Variants in L2HGDH observed in about 807,000 individuals in gnomAD.
The protein encoded by L2HGDH is L-2-hydroxyglutarate dehydrogenase, mitochondrial.
Under a neutral mutation model 51.5 loss-of-function variants are expected in L2HGDH, and 34 were observed. The ratio of observed to expected loss-of-function variants is 0.66; its 90% confidence interval spans 0.50 to 0.88. The LOEUF (loss-of-function observed/expected upper bound fraction) is 0.88, where lower values mean the gene tolerates loss of function less well. Among genes scored for constraint, L2HGDH ranks in the 40% least tolerant of loss-of-function variants. The pLI is 0.00. For missense variants in L2HGDH, 558 were observed against 571.9 expected (o/e 0.98, Z 0.25); for synonymous variants, 198 against 197.9 (o/e 1.00, Z -0.01).
intron 6 of L2HGDH, among the ~76,000 whole-genome samples, chr14:50,275,613 C>T (rs1740468443): frequency 6.6e-6 from 1 of 152,166 alleles, no homozygotes; most frequent in Non-Finnish European, 1.5e-5. Flanking sequence ...CCATTTTCCC[C>T]ATCACCCTGA....
At position 50,246,953 on chromosome 14, in the gene L2HGDH, C is replaced by T. The variant is rs971385803; in HGVS notation, c.*105G>A. On this transcript the variant is annotated 3_prime_UTR_variant, in exon 10 of 10. Coordinates refer to ENST00000267436, the MANE Select transcript of L2HGDH (RefSeq NM_024884.3). ...TAACAATGCAGTGGTTATCTTTGACCTAAAAACTAAAGTTTAAAAACCATT... is the reference window on the plus strand; with the variant it reads ...TAACAATGCAGTGGTTATCTTTGACTTAAAAACTAAAGTTTAAAAACCATT... 16 of 1,437,548 alleles carry T rather than the reference C, an allele frequency of 1.1e-5. No individual in the cohort carries two copies. The highest frequency in any genetic ancestry group is 9.4e-7 in the Non-Finnish European group (1 of 1,069,290). The allele number at this position is 1,437,548 out of a possible 1,614,324, so 89.0% of individuals were successfully genotyped here.
At chr14:50,255,699 C>T (rs1255647643) in intron 9 of L2HGDH, among the ~76,000 whole-genome samples, 1 of 151,958 alleles carries the variant, frequency 6.6e-6, no homozygotes, top group East Asian at 1.9e-4. Flanking sequence ...AAACTTTAAG[C>T]TTTAAGTTAA....
chr14:50,279,400 G>A (rs1283511278), intron 5 of L2HGDH, among the ~76,000 whole-genome samples: 1 of 152,116 alleles, frequency 6.6e-6, no homozygotes, highest in East Asian at 1.9e-4. Context: ...ATGAGGTGGG[G>A]GGAGTTCCAA....
intron 9 of L2HGDH, among the ~76,000 whole-genome samples, chr14:50,260,671 T>C (rs1566507727): frequency 6.6e-6 from 1 of 152,174 alleles, no homozygotes; most frequent in Non-Finnish European, 1.5e-5. Flanking sequence ...CAGACTCTTA[T>C]TACTATTTTG....
chr14:50,257,144 A>T (rs1888713035), intron 9 of L2HGDH, among the ~76,000 whole-genome samples: 1 of 152,028 alleles, frequency 6.6e-6, no homozygotes, highest in Admixed American at 6.6e-5. Context: ...GGCTAGGCTG[A>T]TCTTAAACTC....
At chr14:50,250,497 A>G (rs916864399) in intron 9 of L2HGDH, among the ~76,000 whole-genome samples, 1 of 152,170 alleles carries the variant, frequency 6.6e-6, no homozygotes. Context: ...GTAAACTACT[A>G]AAGTATTTGA....
At chr14:50,288,763 A>C (rs923829087) in intron 4 of L2HGDH, among the ~76,000 whole-genome samples, 1 of 152,128 alleles carries the variant, frequency 6.6e-6, no homozygotes, top group Non-Finnish European at 1.5e-5. Flanking sequence ...GTAACTTTGA[A>C]ACAACCAATC....
chr14:50,303,784 A>C (rs1368686204), intron 1 of L2HGDH, among the ~76,000 whole-genome samples: 6 of 144,872 alleles, frequency 4.1e-5, no homozygotes, highest in South Asian at 2.2e-4. Context: ...CCTGTCTCAA[A>C]AAAAAAAAAA....
chr14:50,250,604 C>T (rs1256336886), intron 9 of L2HGDH, among the ~76,000 whole-genome samples: 3 of 152,196 alleles, frequency 2.0e-5, no homozygotes, highest in Admixed American at 1.3e-4. Flanking sequence ...AGACCCAGTG[C>T]TGGGCTGGCT....
chr14:50,303,811 A>AAG (rs1390025305), intron 1 of L2HGDH, among the ~76,000 whole-genome samples: 1 of 13,168 alleles, frequency 7.6e-5, no homozygotes, highest in Non-Finnish European at 1.8e-4. Context: ...TAGACGCATT[A>AAG]AAAAAAAAAA....
chr14:50,256,112 C>T (rs1888654558), intron 9 of L2HGDH, among the ~76,000 whole-genome samples: 1 of 152,106 alleles, frequency 6.6e-6, no homozygotes, highest in Non-Finnish European at 1.5e-5. Flanking sequence ...TCAAGCATTA[C>T]ACTACAGGTT....
rs2030441902 is a variant in L2HGDH, at chr14:50,302,062, A to G, written c.363T>C (p.Tyr121=). 2 of 1,614,180 alleles carry G rather than the reference A, an allele frequency of 1.2e-6. No individual in the cohort carries two copies. Among genetic ancestry groups the G allele is most frequent in the Non-Finnish European group, 1.7e-6 (2 of 1,180,028 alleles). ...AAATTCCCTTTTGCTGACAGTACTC[A>G]TAGAGGAGGGCTGCACCTTGTACAC... ...KLCVQGAALL[Y]EYCQQKGISY... is the part of the protein sequence containing the mutation. Residue 121 remains tyrosine (Y), a synonymous_variant, in exon 3 of 10, where the codon TAT becomes TAC. Transcript: ENST00000267436.
chr14:50,249,090 G>T (rs890349593), intron 9 of L2HGDH, among the ~76,000 whole-genome samples: 1 of 152,182 alleles, frequency 6.6e-6, no homozygotes, highest in Admixed American at 6.5e-5. Context: ...CTCAGCCAGC[G>T]CCAGCACATG....
At chr14:50,311,296 T>G (rs2031149571) in intron 1 of L2HGDH, 1 of 455,000 alleles carries the variant, frequency 2.2e-6, no homozygotes, top group Non-Finnish European at 4.4e-6. Context: ...AAAACCTTGC[T>G]GTGATGTAGT....
rs150432086 is a variant in L2HGDH at position 50,306,974 on chromosome 14, C to T, written c.141-3957G>A. Among the ~76,000 whole-genome samples the T allele has an allele frequency of 2.5e-3, 384 of 152,188 alleles. 2 individuals are homozygous for T. The Middle Eastern group carries it at 0.061, about 24-fold the overall frequency. On this transcript the variant is annotated intron_variant, in intron 1 of 9. Transcript: ENST00000267436. ...GATATTATAGGCGAACACTGCCATG[C>T]TGGGCTAGTTTTTGTATTTTTACTA...
intron 4 of L2HGDH, among the ~76,000 whole-genome samples, chr14:50,291,489 T>C (rs181066967): frequency 3.5e-4 from 53 of 152,176 alleles, no homozygotes; most frequent in Admixed American, 8.5e-4. Flanking sequence ...GCAAAATAGT[T>C]TGATTATCCT....
chr14:50,273,799 G>A (rs1408597639), intron 6 of L2HGDH, among the ~76,000 whole-genome samples: 1 of 152,164 alleles, frequency 6.6e-6, no homozygotes, highest in Non-Finnish European at 1.5e-5. Context: ...AGCAAAGAAA[G>A]GCCGGGCACA....
At position 50,293,311 on chromosome 14, in the gene L2HGDH, C is replaced by A. The variant is rs116103825; in HGVS notation, c.540+804G>T. ...GTTTGGGGAAAAAATACACCTTGAC[C>A]CCTAACTTATACCATATATAAAAAT... On this transcript the variant is annotated intron_variant, in intron 4 of 9. Transcript: ENST00000267436. 3,247 of 701,814 alleles carry A rather than the reference C, an allele frequency of 4.6e-3. 72 individuals carry two copies. In the African/African-American group the frequency reaches 0.051, roughly 11 times the overall value. The allele number at this position is 701,814 out of a possible 1,614,324, so 43.5% of individuals were successfully genotyped here. A position where few individuals can be genotyped will look rare whatever the true frequency, so the allele number is the denominator to read the frequency against.
At chr14:50,272,328 T>C (rs779591614) in intron 6 of L2HGDH, among the ~76,000 whole-genome samples, 9 of 152,156 alleles carry the variant, frequency 5.9e-5, no homozygotes, top group African/African-American at 9.7e-5. Flanking sequence ...TATGATGCTA[T>C]ACTCTAGTGA....
Sources: gnomAD v4.1 joint callset for allele counts (sites outside exome capture counted in the v4.1 genomes callset) on GRCh38, gnomAD v4.1.1 for gene constraint, MANE v1.5 for transcripts, NCBI Gene and HGNC (gene_info 2026-07-23, HGNC 2026-07-21) for gene names.